The following PIGG variants were observed in gnomAD, a reference collection of about 807,000 sequenced individuals.
The protein encoded by PIGG is phosphatidylinositol glycan anchor biosynthesis class G (EMM blood group), also known as GPI ethanolamine phosphate transferase 2, catalytic subunit.
PIGG carries 70 observed loss-of-function variants against 83.2 expected under a neutral mutation model. The observed-to-expected ratio is 0.84, with a 90% CI of 0.69 to 1.03. The LOEUF is 1.03. Ranked by LOEUF, PIGG falls within the 50% of genes least tolerant of loss-of-function variation. The probability of loss-of-function intolerance (pLI) is 0.00; values close to 1 mark genes in which losing one functional copy is unlikely to be tolerated. For missense variants in PIGG, 1,257 were observed against 1,233.6 expected, an observed-to-expected ratio of 1.02 and a Z score of -0.28; for synonymous variants, 532 against 519.5, an observed-to-expected ratio of 1.02 and a Z score of -0.33.
rs370950562 is a variant in PIGG, at chr4:528,549, C to T, written c.2261+1319C>T. ...GAGTGTAGCAGGCCGTCATACGGGG[C>T]CGGGGCCTGGGGCAGAGAGGATGCT... On this transcript the variant is annotated intron_variant, in intron 10 of 12. Coordinates refer to ENST00000453061, the MANE Select transcript of PIGG (RefSeq NM_001127178.3). The surrounding 1 kb of genome is among the most constrained non-coding windows in gnomAD (Gnocchi z 4.8). 131 of 985,246 alleles carry T rather than the reference C, an allele frequency of 1.3e-4. 2 individuals carry two copies. The East Asian group carries it at 0.011, about 86-fold the overall frequency. 61.0% of individuals were successfully genotyped at this position (985,246 alleles called of 1,614,324 possible).
chr4:535,457 C>T (rs1341858873), intron 12 of PIGG, among the ~76,000 whole-genome samples: 1 of 102,012 alleles, frequency 9.8e-6, no homozygotes, highest in Admixed American at 8.6e-5. Flanking sequence ...GGCAGGCGAG[C>T]GTCTGGGACA....
In PIGG at chr4:521,766, T is replaced by G. The variant is rs764550450; in HGVS notation, c.1439T>G (p.Ile480Ser). The part of the protein sequence containing the change: ...PGFSLLFYLV[I>S]LVLSAVHVIV... Reference sequence around the variant, plus strand: ...TTTTCTCTGCTCTTTTATTTGGTGATCCTGGTTCTTTCGGCCGTTCACGTC... The same window carrying G: ...TTTTCTCTGCTCTTTTATTTGGTGAGCCTGGTTCTTTCGGCCGTTCACGTC... The change falls in exon 8 of 13, where the codon ATC becomes AGC. Residue 480 changes from isoleucine (I) to serine (S), a missense_variant. Coordinates refer to ENST00000453061, the MANE Select transcript of PIGG (RefSeq NM_001127178.3). 6.2e-7 allele frequency: 1 copy of G among 1,614,204 alleles called. No homozygotes were observed. Among genetic ancestry groups the G allele is most frequent in the Admixed American group, 1.7e-5 (1 of 60,028 alleles).
intron 6 of PIGG, among the ~76,000 whole-genome samples, 162 bp downstream of exon 6, chr4:516,347 A>C (rs1235622845): frequency 2.6e-5 from 4 of 152,154 alleles, no homozygotes; most frequent in African/African-American, 9.7e-5. Context: ...AGAACTTTGA[A>C]CTATCACCAT....
intron 6 of PIGG, among the ~76,000 whole-genome samples, chr4:517,331 T>A (rs1160069947): frequency 2.0e-5 from 3 of 152,168 alleles, no homozygotes; most frequent in Admixed American, 1.3e-4. Flanking sequence ...GGAAAGATTC[T>A]GAAGGTCATG....
In PIGG at chr4:523,770, C is replaced by A. The variant is rs919506470; in HGVS notation, c.1926C>A (p.Thr642=). 5.6e-6 allele frequency: 9 copies of A among 1,613,874 alleles called. No homozygotes were observed. The highest frequency in any genetic ancestry group is 5.3e-5 in the African/African-American group (4 of 74,960). ...ACAAAGGCCACGGAAGCCCCTCTAC[C>A]TCCGAAGTGCTCAGAGGCCGCGAGA... is the stretch of plus-strand genomic sequence containing the variant. ...ERDKGHGSPS[T]SEVLRGREKW... Residue 642 remains threonine, a synonymous_variant, in exon 9 of 13, where the codon ACC becomes ACA. Transcript: ENST00000453061.
rs953003913 is a variant in PIGG at position 523,959 on chromosome 4, A to G, written c.2069+46A>G. On this transcript the variant is annotated intron_variant, in intron 9 of 12. Coordinates refer to ENST00000453061, the MANE Select transcript of PIGG (RefSeq NM_001127178.3). ...CCACAGGCCAGACTTTCTACGGCCG[A>G]TTGGTCACCTGCCAAGCTCTTCTTT... 2.5e-6 allele frequency: 3 copies of G among 1,208,992 alleles called. No homozygotes were observed. In the African/African-American group the frequency reaches 5.5e-5, roughly 22 times the overall value. The allele number at this position is 1,208,992 out of a possible 1,614,324, so 74.9% of individuals were successfully genotyped here. A position where few individuals can be genotyped will look rare whatever the true frequency, so the allele number is the denominator to read the frequency against.
Position 500,599 on chromosome 4 carries a change from A to G in PIGG, c.358A>G (p.Lys120Glu), listed in dbSNP as rs782321071. Reference sequence around the variant, plus strand: ...ACCTACAGTTACTATGCCTCGAATCAAGGTAAGTTTGCCTTAATGTTTTAT... The same window carrying G: ...ACCTACAGTTACTATGCCTCGAATCGAGGTAAGTTTGCCTTAATGTTTTAT... ...KPPTVTMPRI[K>E]ALMTGSLPGF... Residue 120 changes from lysine to glutamate, a missense_variant and splice_region_variant, in exon 2 of 13, where the codon AAG becomes GAG. By Grantham distance (56) the Lys-to-Glu change is moderately conservative. Coordinates refer to ENST00000453061, the MANE Select transcript of PIGG (RefSeq NM_001127178.3). The G allele has an allele frequency of 1.0e-5, 16 of 1,591,182 alleles. No homozygotes were observed. The highest frequency in any genetic ancestry group is 3.3e-5 in the Admixed American group (2 of 60,000).
At position 515,315 on chromosome 4, in the gene PIGG, T is replaced by C. The variant is rs2108878380; in HGVS notation, c.902-658T>C. ...AGTGGATGGTGGCAGAGCAGTGGCC[T>C]AGGCCCATGGTGCTGACATCACAGC... On this transcript the variant is annotated intron_variant, in intron 5 of 12. Transcript: ENST00000453061. This position sits in a 1 kb window ranked among gnomAD's most constrained non-coding sequence, Gnocchi z 4.2. 6.6e-6 allele frequency among the ~76,000 whole-genome samples: 1 copy of C among 152,364 alleles called. No individual in the cohort carries two copies. Among genetic ancestry groups the C allele is most frequent in the East Asian group, 1.9e-4 (1 of 5,188 alleles).
intron 10 of PIGG, 76 bp from the exon 11 acceptor site, chr4:530,360 G>A (rs1201346199): frequency 9.6e-7 from 1 of 1,039,854 alleles, no homozygotes; most frequent in Non-Finnish European, 1.5e-6. Flanking sequence ...GTAGATAGGT[G>A]TGTTTTTCAT....
chr4:510,790 A>G (rs981181901), intron 5 of PIGG, among the ~76,000 whole-genome samples: 37 of 152,226 alleles, frequency 2.4e-4, no homozygotes, highest in African/African-American at 8.9e-4. Context: ...TCCTCACCTC[A>G]GAAAGAAACC....
At position 500,558 on chromosome 4, in the gene PIGG, T is replaced by A. The variant is rs782187073; in HGVS notation, c.317T>A (p.Val106Glu). ...LVEKGASHSFVAEAKPPTVTM... is the reference protein window; with the variant it reads ...LVEKGASHSFEAEAKPPTVTM... ...GAAAAAGGAGCATCTCACAGTTTTGTGGCTGAAGCAAAGCCACCTACAGTT... is the reference window on the plus strand; with the variant it reads ...GAAAAAGGAGCATCTCACAGTTTTGAGGCTGAAGCAAAGCCACCTACAGTT... Residue 106 changes from valine (V) to glutamate (E), a missense_variant, in exon 2 of 13, where the codon GTG becomes GAG. By Grantham distance (121) the Val-to-Glu change is moderately radical. Coordinates refer to ENST00000453061, the MANE Select transcript of PIGG (RefSeq NM_001127178.3). 4.6e-5 allele frequency: 75 copies of A among 1,613,724 alleles called. No individual in the cohort carries two copies. Among genetic ancestry groups the A allele is most frequent in the Non-Finnish European group, 6.0e-5 (71 of 1,179,598 alleles).
chr4:503,494 C>T (rs1478029037), intron 2 of PIGG, among the ~76,000 whole-genome samples: 7 of 152,264 alleles, frequency 4.6e-5, no homozygotes, highest in Non-Finnish European at 5.9e-5. Flanking sequence ...CATTTCCTCC[C>T]GGGTGCTGCT....
At chr4:538,307 G>C (rs1343497234) in intron 12 of PIGG, among the ~76,000 whole-genome samples, 1 of 144,904 alleles carries the variant, frequency 6.9e-6, no homozygotes, top group Non-Finnish European at 1.5e-5. Flanking sequence ...GTAGTGTGTT[G>C]GTGGTTTCAA....
At chr4:499,520 C>A in intron 1 of PIGG, 31 bp downstream of exon 1, 1 of 1,570,542 alleles carries the variant, frequency 6.4e-7, no homozygotes, top group African/African-American at 1.4e-5. Flanking sequence ...TCTCCGCTCC[C>A]CTGACCCCAC....
intron 12 of PIGG, among the ~76,000 whole-genome samples, 180 bp from the exon 13 acceptor site, chr4:538,973 G>A (rs1731418386): frequency 6.6e-6 from 1 of 152,158 alleles, no homozygotes; most frequent in South Asian, 2.1e-4. Flanking sequence ...CGTCTCCAGC[G>A]CATCTGGAGA....
At chr4:537,441 G>C (rs963964795) in intron 12 of PIGG, 3 of 152,304 alleles carry the variant, frequency 2.0e-5, no homozygotes, top group Non-Finnish European at 4.4e-5. Flanking sequence ...TGCGCTGTCT[G>C]GGTAGGATGG....
chr4:538,012 C>T (rs547236501), intron 12 of PIGG, among the ~76,000 whole-genome samples: 13 of 146,522 alleles, frequency 8.9e-5, no homozygotes, highest in Admixed American at 1.4e-4. Context: ...ACATACGTGC[C>T]GACAGGACTG....
At chr4:502,682 C>T (rs781933262) in intron 2 of PIGG, among the ~76,000 whole-genome samples, 6 of 152,186 alleles carry the variant, frequency 3.9e-5, no homozygotes, top group Admixed American at 6.5e-5. Context: ...GCAGCCCACT[C>T]GCTGTCTGCA....
intron 2 of PIGG, among the ~76,000 whole-genome samples, chr4:503,673 C>T (rs1248215531): frequency 2.1e-5 from 3 of 144,672 alleles, no homozygotes; most frequent in Non-Finnish European, 4.7e-5. Context: ...CGTTATTGTA[C>T]AGCTACACAC....
Sources: allele counts gnomAD v4.1 joint callset (sites outside exome capture counted in the v4.1 genomes callset), GRCh38; gene constraint gnomAD v4.1.1; non-coding constraint Gnocchi (gnomAD v3.1); transcripts MANE v1.5; gene names NCBI Gene and HGNC (gene_info 2026-07-23, HGNC 2026-07-21).